Variants in PARVB observed in about 807,000 individuals in gnomAD.
PARVB encodes beta-parvin.
Under a neutral mutation model 47.0 loss-of-function variants are expected in PARVB, and 46 were observed. The ratio of observed to expected loss-of-function variants is 0.98; its 90% confidence interval spans 0.77 to 1.25. PARVB has a LOEUF of 1.25. Ranked by LOEUF, PARVB falls within the 50% of genes most tolerant of loss-of-function variation. The pLI is 0.00. For synonymous variants in PARVB, 196 were observed against 196.3 expected, an observed-to-expected ratio of 1.00 and a Z score of 0.01; for missense variants, 473 against 471.6, an observed-to-expected ratio of 1.00 and a Z score of -0.03.
rs1327056545 is a variant in PARVB at position 43,999,854 on chromosome 22, AAAAAC to A, written c.211+183_211+187del. ...TATATGAAAAAAAAAAAAAAAAAAA[AAAAAC>A]AGCTGGGTGTGGTGGCATGCATCTG... On this transcript the variant is annotated intron_variant, in intron 2 of 13. Coordinates refer to the PARVB transcript ENST00000406477. 4.7e-4 allele frequency among the ~76,000 whole-genome samples: 71 copies of A among 150,504 alleles called. 1 individual carries two copies. Among genetic ancestry groups the A allele is most frequent in the African/African-American group, 1.6e-3 (64 of 40,318 alleles).
chr22:44,085,543 A>G (rs2052004766), intron 1 of PARVB, among the ~76,000 whole-genome samples: 1 of 152,154 alleles, frequency 6.6e-6, no homozygotes, highest in South Asian at 2.1e-4. Flanking sequence ...AGCTCAAGCC[A>G]TCCACCTACC....
At position 44,053,977 on chromosome 22, in the gene PARVB, A is replaced by T. The variant is rs144973502; in HGVS notation, c.112+29526A>T. ...CTTCCTGGGCCTTTTATGGAGCCTC[A>T]TTGGATATGCACGATTGACAGCCAT... On this transcript the variant is annotated intron_variant, in intron 1 of 12. Coordinates refer to ENST00000338758, the MANE Select transcript of PARVB (RefSeq NM_013327.5). 1.5e-3 allele frequency among the ~76,000 whole-genome samples: 221 copies of T among 152,238 alleles called. 6 individuals are homozygous for T. In the East Asian group the frequency reaches 0.038, roughly 26 times the overall value.
chr22:44,138,854 T>G (rs2053494459), intron 7 of PARVB: 1 of 152,190 alleles, frequency 6.6e-6, no homozygotes, highest in Admixed American at 6.5e-5. Context: ...CTCCAGGGGA[T>G]GTTAATTTCT....
intron 1 of PARVB, chr22:44,031,562 G>A (rs186257040): frequency 6.6e-6 from 1 of 151,534 alleles, no homozygotes; most frequent in East Asian, 2.0e-4. Context: ...TCGGGGCTTG[G>A]GGAGGAAGGG....
rs1225518857 is a variant in PARVB, at chr22:44,127,891, C to T, written c.377-3596C>T. 3.3e-5 allele frequency among the ~76,000 whole-genome samples: 5 copies of T among 151,932 alleles called. No homozygotes were observed. In the South Asian group the frequency reaches 6.2e-4, roughly 19 times the overall value. ...GCCTTGACCCCTAGGCTTGGATGAT[C>T]TTCCCACCTCAGCTTCCCCGGGAAG... On this transcript the variant is annotated intron_variant, in intron 4 of 12. Transcript: ENST00000338758.
upstream of PARVB, chr22:44,024,259 G>A (rs1001207604): frequency 2.6e-6 from 2 of 781,884 alleles, no homozygotes; most frequent in African/African-American, 1.9e-5. Flanking sequence ...GCCGGCGGCG[G>A]GGCCGCGCCC....
In PARVB at chr22:44,069,081, C is replaced by T. The variant is rs114129729; in HGVS notation, c.113-24847C>T. The T allele has an allele frequency of 7.7e-3, 12,408 of 1,605,658 alleles. 161 individuals carry two copies. The highest frequency in any genetic ancestry group is 0.052 in the African/African-American group (3,886 of 74,748). Reference sequence around the variant, plus strand: ...CGCCCCTGCCACGTCCCTATATGAACGGGGTGTGTGCCCGCCTGCCCTCCG... The same window carrying T: ...CGCCCCTGCCACGTCCCTATATGAATGGGGTGTGTGCCCGCCTGCCCTCCG... On this transcript the variant is annotated intron_variant, in intron 1 of 12. Coordinates refer to ENST00000338758, the MANE Select transcript of PARVB (RefSeq NM_013327.5).
At chr22:44,036,672 A>G (rs1417078287) in intron 1 of PARVB, among the ~76,000 whole-genome samples, 11 of 152,190 alleles carry the variant, frequency 7.2e-5, no homozygotes, top group Admixed American at 5.9e-4. Flanking sequence ...TACTTGATAT[A>G]TATAAGTTTA....
chr22:44,118,256 A>T (rs1266198273), intron 3 of PARVB, among the ~76,000 whole-genome samples: 1 of 152,250 alleles, frequency 6.6e-6, no homozygotes, highest in Admixed American at 6.5e-5. Context: ...ACATGCTATA[A>T]CATGGATGAA....
At chr22:44,060,661 A>G (rs1175862152) in intron 1 of PARVB, among the ~76,000 whole-genome samples, 6 of 152,034 alleles carry the variant, frequency 3.9e-5, no homozygotes, top group Non-Finnish European at 8.8e-5. Flanking sequence ...GGCACAGGCG[A>G]AGGAGAGGTC....
intron 1 of PARVB, among the ~76,000 whole-genome samples, chr22:44,031,175 A>G (rs1217154992): frequency 6.6e-6 from 1 of 152,200 alleles, no homozygotes; most frequent in South Asian, 2.1e-4. Flanking sequence ...GGAAAGGCAC[A>G]GTGAGGTCAC....
chr22:44,110,053 C>T (rs958826326), intron 3 of PARVB: 4 of 128,498 alleles, frequency 3.1e-5, no homozygotes, highest in Non-Finnish European at 6.3e-5. Context: ...GCGGAGCTTG[C>T]AGTGAGCCGA....
At chr22:44,001,488 T>C (rs912772217) in intron 2 of PARVB, among the ~76,000 whole-genome samples, 1 of 152,208 alleles carries the variant, frequency 6.6e-6, no homozygotes, top group African/African-American at 2.4e-5. Flanking sequence ...GGGAAAAATC[T>C]AAAACAAAGC....
upstream of PARVB, among the ~76,000 whole-genome samples, chr22:44,022,749 T>A (rs1466702380): frequency 3.8e-5 from 3 of 79,320 alleles, no homozygotes; most frequent in Non-Finnish European, 7.0e-5. Flanking sequence ...TATTTTTTAT[T>A]TTTTTTTTAT....
intron 1 of PARVB, among the ~76,000 whole-genome samples, chr22:44,053,319 T>G (rs1037682365): frequency 6.6e-6 from 1 of 152,110 alleles, no homozygotes; most frequent in Non-Finnish European, 1.5e-5. Flanking sequence ...CCTGCCCTCA[T>G]GATCCGCCCT....
In PARVB at chr22:44,146,311, TCACA is replaced by T. The variant is rs532585618; in HGVS notation, c.713-1546_713-1543del. 6.4e-3 allele frequency: 863 copies of T among 135,536 alleles called. 12 individuals are homozygous for T. The highest frequency in any genetic ancestry group is 0.024 in the African/African-American group (813 of 33,686). The allele number at this position is 135,536 out of a possible 1,614,324, so 8.4% of individuals were successfully genotyped here. On this transcript the variant is annotated intron_variant, in intron 8 of 12. Transcript: ENST00000338758. ...CACAACCTCACACGCACACACGTGC[TCACA>T]CACGCACACATGTGCTCACGTGCAC...
At position 44,136,452 on chromosome 22, in the gene PARVB, G is replaced by A; in HGVS notation, c.634-8G>A. 6.2e-7 allele frequency: 1 copy of A among 1,613,704 alleles called. No homozygotes were observed. The highest frequency in any genetic ancestry group is 1.7e-5 in the Admixed American group (1 of 60,006). On this transcript the variant is annotated splice_polypyrimidine_tract_variant and splice_region_variant and intron_variant, in intron 6 of 12. Transcript: ENST00000338758. The stretch of plus-strand genomic sequence containing the variant: ...CCTGATTTTGTATGTTTATTTTGGG[G>A]TTTTCAGAAACGGGAAGGCCTGCTG...
At chr22:44,042,968 G>A (rs1474608074) in intron 1 of PARVB, among the ~76,000 whole-genome samples, 1 of 152,116 alleles carries the variant, frequency 6.6e-6, no homozygotes, top group Non-Finnish European at 1.5e-5. Flanking sequence ...GTTTACTGGC[G>A]CACTCTGTGG....
chr22:44,156,565 C>G (rs2147164791), intron 10 of PARVB, among the ~76,000 whole-genome samples: 2 of 152,292 alleles, frequency 1.3e-5, no homozygotes, highest in Non-Finnish European at 2.9e-5. Flanking sequence ...GCGTGAGCCA[C>G]TGCGCCTAGA....
Sources: gnomAD v4.1 joint callset for allele counts (sites outside exome capture counted in the v4.1 genomes callset) on GRCh38, gnomAD v4.1.1 for gene constraint, MANE v1.5 for transcripts, NCBI Gene and HGNC (gene_info 2026-07-23, HGNC 2026-07-21) for gene names.